Variants in MAF observed in about 807,000 individuals in gnomAD.
MAF encodes MAF bZIP transcription factor.
A neutral mutation model predicts 22.0 loss-of-function variants in MAF; 10 were observed. The ratio of observed to expected loss-of-function variants is 0.45; its 90% CI spans 0.28 to 0.77. The LOEUF (loss-of-function observed/expected upper bound fraction) is 0.77. MAF is among the 30% of genes least tolerant of loss of function. MAF has a pLI of 0.12. For missense variants in MAF, 544 were observed against 548.4 expected (o/e 0.99, Z 0.08); for synonymous variants, 337 against 255.8 (o/e 1.32, Z -3.03).
the MAF span, among the ~76,000 whole-genome samples, chr16:79,221,408 T>G: frequency 6.6e-6 from 1 of 152,150 alleles, no homozygotes; most frequent in African/African-American, 2.4e-5. Flanking sequence ...AATCACTCTA[T>G]GTGTTCCCAA....
At chr16:79,490,311 A>G in the MAF span, among the ~76,000 whole-genome samples, 1 of 152,154 alleles carries the variant, frequency 6.6e-6, no homozygotes, top group East Asian at 1.9e-4. Context: ...AGGCAGGAAT[A>G]AAAACATCAC....
chr16:79,281,350 A>G, the MAF span, among the ~76,000 whole-genome samples: 2 of 152,136 alleles, frequency 1.3e-5, no homozygotes, highest in East Asian at 3.9e-4. Context: ...GTTAGAAAAT[A>G]CAATCTATGG....
chr16:79,518,156 G>A, the MAF span, among the ~76,000 whole-genome samples: 1 of 152,222 alleles, frequency 6.6e-6, no homozygotes, highest in Non-Finnish European at 1.5e-5. Flanking sequence ...GGCAGGTGAA[G>A]AAGTAGAGAT....
chr16:79,304,808 C>G, the MAF span, among the ~76,000 whole-genome samples: 1 of 152,058 alleles, frequency 6.6e-6, no homozygotes, highest in Non-Finnish European at 1.5e-5. Context: ...GTCACAAAAA[C>G]AAAAAAGTTA....
the MAF span, among the ~76,000 whole-genome samples, chr16:79,307,829 C>T: frequency 6.6e-6 from 1 of 152,158 alleles, no homozygotes; most frequent in African/African-American, 2.4e-5. Context: ...GTCACCAAAT[C>T]GTAAGCCAAC....
At chr16:79,407,851 C>T in the MAF span, among the ~76,000 whole-genome samples, 1 of 152,058 alleles carries the variant, frequency 6.6e-6, no homozygotes, top group Non-Finnish European at 1.5e-5. Flanking sequence ...AATTCCTGTG[C>T]TGGTTGATGC....
At chr16:79,273,929 T>C in the MAF span, among the ~76,000 whole-genome samples, 1 of 150,806 alleles carries the variant, frequency 6.6e-6, no homozygotes, top group African/African-American at 2.4e-5. Flanking sequence ...TCAGCTGGGT[T>C]CTAGGTACTT....
At chr16:79,399,463 C>T in the MAF span, among the ~76,000 whole-genome samples, 1 of 152,108 alleles carries the variant, frequency 6.6e-6, no homozygotes, top group African/African-American at 2.4e-5. Context: ...GCTTTGGTCC[C>T]CATAATTTAG....
chr16:79,554,682 A>C, the MAF span, among the ~76,000 whole-genome samples: 1 of 152,124 alleles, frequency 6.6e-6, no homozygotes, highest in East Asian at 1.9e-4. Context: ...CTCCAACCCC[A>C]GTTCTAAAGG....
chr16:79,522,151 C>T, the MAF span, among the ~76,000 whole-genome samples: 1 of 152,182 alleles, frequency 6.6e-6, no homozygotes, highest in Non-Finnish European at 1.5e-5. Context: ...GAGCATCTTG[C>T]TCAAGAACAC....
the MAF span, among the ~76,000 whole-genome samples, chr16:79,322,773 T>G: frequency 6.6e-6 from 1 of 151,718 alleles, no homozygotes; most frequent in South Asian, 2.1e-4. Flanking sequence ...GAGAGGCCAG[T>G]GGAGAAAAGG....
chr16:79,461,058 T>G, the MAF span, among the ~76,000 whole-genome samples: 3 of 152,168 alleles, frequency 2.0e-5, no homozygotes, highest in Non-Finnish European at 4.4e-5. Flanking sequence ...TTTGTGAACT[T>G]TTTGAACTTT....
At chr16:79,516,522 A>G in the MAF span, among the ~76,000 whole-genome samples, 1 of 152,224 alleles carries the variant, frequency 6.6e-6, no homozygotes, top group African/African-American at 2.4e-5. Flanking sequence ...AAGGTCCCAA[A>G]GCTAGTAATA....
chr16:79,363,968 G>C, the MAF span, among the ~76,000 whole-genome samples: 10 of 152,282 alleles, frequency 6.6e-5, no homozygotes, highest in East Asian at 9.7e-4. Context: ...GACCTCTTCT[G>C]TGCAGTTCCC....
the MAF span, chr16:79,212,113 T>C: frequency 6.5e-7 from 1 of 1,535,754 alleles, no homozygotes. Context: ...TCTCTTTCTT[T>C]TACTGTTATA....
chr16:79,451,994 G>T, the MAF span, among the ~76,000 whole-genome samples: 2 of 49,440 alleles, frequency 4.0e-5, no homozygotes, highest in Non-Finnish European at 5.0e-5. Context: ...AGTCCGCAAA[G>T]GTTGACCTGG....
the MAF span, among the ~76,000 whole-genome samples, chr16:79,360,120 A>G: frequency 7.9e-4 from 121 of 152,274 alleles, no homozygotes; most frequent in African/African-American, 2.7e-3. Context: ...TGTCCATGAG[A>G]GAGCTATCAT....
At chr16:79,471,602 T>C in the MAF span, among the ~76,000 whole-genome samples, 1 of 152,186 alleles carries the variant, frequency 6.6e-6, no homozygotes. Flanking sequence ...GCTCCAGCCC[T>C]GGAAGCAGAG....
the MAF span, among the ~76,000 whole-genome samples, chr16:79,506,699 G>A: frequency 1.3e-5 from 2 of 152,204 alleles, no homozygotes; most frequent in Admixed American, 1.3e-4. Context: ...TGTGCATGGT[G>A]CACCTAGAGG....
Sources: allele counts gnomAD v4.1 joint callset (sites outside exome capture counted in the v4.1 genomes callset), GRCh38; gene constraint gnomAD v4.1.1; transcripts MANE v1.5; gene names NCBI Gene and HGNC (gene_info 2026-07-23, HGNC 2026-07-21).